Variants in CLYBL observed in about 807,000 individuals in gnomAD.
CLYBL encodes the protein citramalyl-CoA lyase.
Under a neutral mutation model 38.9 loss-of-function variants are expected in CLYBL, and 31 were observed. That is an observed-to-expected ratio of 0.80 (90% CI 0.60 to 1.08). The LOEUF is 1.08. Ranked by LOEUF, CLYBL falls within the 50% of genes least tolerant of loss-of-function variation. The pLI, the probability that CLYBL is intolerant of heterozygous loss-of-function variation, is 0.00. For synonymous variants in CLYBL, 171 were observed against 158.6 expected (o/e 1.08, Z -0.59); for missense variants, 434 against 411.6 (o/e 1.05, Z -0.47).
intron 1 of CLYBL, among the ~76,000 whole-genome samples, chr13:99,711,631 C>G (rs913269855): frequency 1.3e-5 from 2 of 151,520 alleles, no homozygotes; most frequent in African/African-American, 2.4e-5. Flanking sequence ...GTCTTGAACT[C>G]CCGACCTCAG....
At chr13:99,789,574 A>C (rs1248709209) in intron 2 of CLYBL, among the ~76,000 whole-genome samples, 1 of 152,110 alleles carries the variant, frequency 6.6e-6, no homozygotes, top group East Asian at 1.9e-4. Context: ...AGTTTGTTAT[A>C]ATTTCTGTTC....
At chr13:99,819,416 T>TTA (rs71715024) in intron 2 of CLYBL, among the ~76,000 whole-genome samples, 576 of 18,232 alleles carry the variant, frequency 0.032, 12 homozygotes, top group Non-Finnish European at 0.039. Context: ...GGGAAAAAAT[T>TTA]TATATATATA....
At chr13:99,752,385 G>C (rs778653106) in intron 1 of CLYBL, among the ~76,000 whole-genome samples, 10 of 152,182 alleles carry the variant, frequency 6.6e-5, no homozygotes, top group Non-Finnish European at 1.3e-4. Context: ...GAGCCAAGCA[G>C]ACCAAGTCCC....
rs1594078697 is a variant in CLYBL, at chr13:99,606,825, CCGCG to C, written c.62+69_62+72del. ...CCGCGGGTCGGCTCCTGTTGCAGCCCCGCGGGCCGGGCGCGGCCTCCCCAAGCCC... is the reference window on the plus strand; with the variant it reads ...CCGCGGGTCGGCTCCTGTTGCAGCCCGGCCGGGCGCGGCCTCCCCAAGCCC... On this transcript the variant is annotated intron_variant, in intron 1 of 8. Coordinates refer to ENST00000339105, the MANE Select transcript of CLYBL (RefSeq NM_206808.5). The C allele has an allele frequency of 3.8e-6, 5 of 1,305,486 alleles. No individual in the cohort carries two copies. In the East Asian group the frequency reaches 1.6e-4, roughly 41 times the overall value. 80.9% of individuals were successfully genotyped at this position (1,305,486 alleles called of 1,614,324 possible).
At chr13:99,734,926 G>C (rs949568769) in intron 1 of CLYBL, among the ~76,000 whole-genome samples, 1 of 152,034 alleles carries the variant, frequency 6.6e-6, no homozygotes, top group Non-Finnish European at 1.5e-5. Context: ...AATCTACCCA[G>C]TTTTATTTTG....
At chr13:99,777,552 G>T (rs538221409) in intron 2 of CLYBL, among the ~76,000 whole-genome samples, 2 of 150,812 alleles carry the variant, frequency 1.3e-5, no homozygotes, top group South Asian at 2.1e-4. Flanking sequence ...GAGTGCAATG[G>T]TGTGATCTCA....
chr13:99,834,705 G>C (rs1052623188), intron 2 of CLYBL, among the ~76,000 whole-genome samples: 1 of 152,132 alleles, frequency 6.6e-6, no homozygotes, highest in Non-Finnish European at 1.5e-5. Context: ...GGATGTTCTC[G>C]GTCCTCTGCA....
chr13:99,845,559 G>GC (rs1192392850), intron 2 of CLYBL, among the ~76,000 whole-genome samples: 1 of 152,228 alleles, frequency 6.6e-6, no homozygotes, highest in African/African-American at 2.4e-5. Context: ...TGCGGTGCCA[G>GC]CCACGGCATT....
chr13:99,695,914 G>A (rs146560070), intron 1 of CLYBL, among the ~76,000 whole-genome samples: 1 of 152,180 alleles, frequency 6.6e-6, no homozygotes, highest in African/African-American at 2.4e-5. Context: ...TCCTACTTCT[G>A]CAGTTTTCTC....
chr13:99,772,998 T>A lies in CLYBL; in HGVS notation c.237T>A (p.Ala79=). The change falls in exon 2 of 9, where the codon GCT becomes GCA. Residue 79 remains alanine (A), a synonymous_variant. Coordinates refer to ENST00000339105, the MANE Select transcript of CLYBL (RefSeq NM_206808.5). ...TGCTCGACTGTGAGGATGGAGTGGC[T>A]GCAAACAAAAAGGTAATGGCATGAT... ...CAVLDCEDGV[A]ANKKNEARLR... 1 of 1,608,620 alleles carries A rather than the reference T, an allele frequency of 6.2e-7. No homozygotes were observed. Among genetic ancestry groups the A allele is most frequent in the Non-Finnish European group, 8.5e-7 (1 of 1,178,916 alleles).
At position 99,721,904 on chromosome 13, in the gene CLYBL, T is replaced by G. The variant is rs1228119566; in HGVS notation, c.63-50920T>G. Among the ~76,000 whole-genome samples the G allele has an allele frequency of 3.3e-5, 5 of 152,206 alleles. 1 individual carries two copies. The highest frequency in any genetic ancestry group is 7.3e-5 in the Non-Finnish European group (5 of 68,032). The stretch of plus-strand genomic sequence containing the variant: ...AGGGGCCCTGGATTGTGGAGATGTT[T>G]CTGGAGCACTGCTTTACCTTTTTCT... On this transcript the variant is annotated intron_variant, in intron 1 of 8. Coordinates refer to ENST00000339105, the MANE Select transcript of CLYBL (RefSeq NM_206808.5).
chr13:99,886,215 T>G (rs1007208149), intron 7 of CLYBL, among the ~76,000 whole-genome samples: 4 of 152,212 alleles, frequency 2.6e-5, no homozygotes, highest in African/African-American at 9.6e-5. Context: ...TTTGGAAACA[T>G]AGTGAATAGG....
chr13:99,671,301 A>G (rs957540318), intron 1 of CLYBL, among the ~76,000 whole-genome samples: 1 of 152,192 alleles, frequency 6.6e-6, no homozygotes, highest in African/African-American at 2.4e-5. Flanking sequence ...GTTTTCTCGT[A>G]TAATGTTTGT....
chr13:99,755,639 G>C (rs1482000494), intron 1 of CLYBL, among the ~76,000 whole-genome samples: 1 of 152,218 alleles, frequency 6.6e-6, no homozygotes, highest in Non-Finnish European at 1.5e-5. Context: ...GCATGCCACT[G>C]TTGCCCTTCT....
chr13:99,676,663 G>A (rs534835043), intron 1 of CLYBL, among the ~76,000 whole-genome samples: 2 of 150,838 alleles, frequency 1.3e-5, no homozygotes, highest in Admixed American at 6.6e-5. Flanking sequence ...GCACAATCTC[G>A]ACTTACTGCA....
chr13:99,867,042 A>G lies in CLYBL; in HGVS notation c.802+635A>G, dbSNP rs11839991. 2.9e-3 allele frequency among the ~76,000 whole-genome samples: 446 copies of G among 152,216 alleles called. 2 individuals carry two copies. Among genetic ancestry groups the G allele is most frequent in the African/African-American group, 0.01 (428 of 41,540 alleles). On this transcript the variant is annotated intron_variant, in intron 6 of 8. Transcript: ENST00000339105. ...GGTGTGCCTGGTCACTCAGGTCCCC[A>G]TGAGCCAGGGGAGCAACAGAAAATT...
At chr13:99,818,013 A>G (rs2050495712) in intron 2 of CLYBL, among the ~76,000 whole-genome samples, 1 of 151,334 alleles carries the variant, frequency 6.6e-6, no homozygotes, top group Admixed American at 6.6e-5. Flanking sequence ...AAAAGGAAGG[A>G]AGGAAGAGAA....
intron 2 of CLYBL, among the ~76,000 whole-genome samples, chr13:99,838,281 C>G (rs2050986604): frequency 2.0e-5 from 3 of 152,114 alleles, no homozygotes; most frequent in Admixed American, 2.0e-4. Context: ...ATTAGGCCAG[C>G]AATATGTTAT....
intron 1 of CLYBL, among the ~76,000 whole-genome samples, chr13:99,771,871 A>T (rs965063851): frequency 1.3e-5 from 2 of 152,198 alleles, no homozygotes; most frequent in Admixed American, 6.5e-5. Context: ...CTTCATGTTC[A>T]TTATTTCCTT....
Sources: gnomAD v4.1 joint callset for allele counts (sites outside exome capture counted in the v4.1 genomes callset) on GRCh38, gnomAD v4.1.1 for gene constraint, MANE v1.5 for transcripts, NCBI Gene and HGNC (gene_info 2026-07-23, HGNC 2026-07-21) for gene names.